Variants in BMPR2 observed in about 807,000 individuals in gnomAD.
BMPR2 encodes the protein bone morphogenetic protein receptor type 2.
In BMPR2, 29 loss-of-function variants were observed where a neutral mutation model predicts 100.8. The ratio of observed to expected loss-of-function variants is 0.29; its 90% CI spans 0.21 to 0.39. The LOEUF is 0.39. Ranked by LOEUF, BMPR2 falls within the 10% of genes least tolerant of loss-of-function variation. The pLI, the probability that BMPR2 is intolerant of heterozygous loss-of-function variation, is 1.00. For synonymous variants in BMPR2, 382 were observed against 442.3 expected (o/e 0.86, Z 1.71); for missense variants, 1,011 against 1,274.5 (o/e 0.79, Z 3.15).
chr2:202,470,974 A>C (rs752359977), intron 3 of BMPR2, among the ~76,000 whole-genome samples: 15 of 152,118 alleles, frequency 9.9e-5, no homozygotes, highest in Non-Finnish European at 1.9e-4. Flanking sequence ...TGGGAGGATC[A>C]CTTGAACTTG....
intron 8 of BMPR2, 146 bp downstream of exon 8, chr2:202,531,100 C>T (rs1386372043): frequency 1.6e-5 from 15 of 939,924 alleles, no homozygotes; most frequent in Non-Finnish European, 2.4e-5. Flanking sequence ...GTAAAGAGTT[C>T]GAGACCAGCT....
At chr2:202,477,375 GA>G (rs1367985069) in intron 3 of BMPR2, among the ~76,000 whole-genome samples, 1 of 151,332 alleles carries the variant, frequency 6.6e-6, no homozygotes, top group African/African-American at 2.4e-5. Context: ...TATATTCTGT[GA>G]TTTTTTTTTT....
chr2:202,491,509 C>T (rs537633379), intron 3 of BMPR2, among the ~76,000 whole-genome samples: 9 of 152,022 alleles, frequency 5.9e-5, no homozygotes, highest in African/African-American at 1.4e-4. Flanking sequence ...CTGCAACCTC[C>T]GCCTCCCGGG....
chr2:202,548,043 C>T (rs187625279), intron 10 of BMPR2, among the ~76,000 whole-genome samples: 11 of 151,646 alleles, frequency 7.3e-5, no homozygotes, highest in Non-Finnish European at 1.6e-4. Context: ...CGAGATTGCA[C>T]CACTGCACTC....
At chr2:202,544,460 C>T (rs1210946388) in intron 10 of BMPR2, among the ~76,000 whole-genome samples, 3 of 152,168 alleles carry the variant, frequency 2.0e-5, no homozygotes, top group Non-Finnish European at 4.4e-5. Context: ...GAAACTACTA[C>T]TCCATCATTC....
At chr2:202,515,753 G>A (rs1687700581) in intron 5 of BMPR2, among the ~76,000 whole-genome samples, 1 of 152,038 alleles carries the variant, frequency 6.6e-6, no homozygotes, top group Non-Finnish European at 1.5e-5. Flanking sequence ...ACTGGGAGTG[G>A]TGGCGCCCGC....
In BMPR2 at chr2:202,406,708, T is replaced by C. The variant is rs76450682; in HGVS notation, c.76+29158T>C. 2.0e-3 allele frequency among the ~76,000 whole-genome samples: 301 copies of C among 152,270 alleles called. 1 individual carries two copies. Among genetic ancestry groups the C allele is most frequent in the African/African-American group, 6.6e-3 (274 of 41,546 alleles). On this transcript the variant is annotated intron_variant, in intron 1 of 12. Coordinates refer to ENST00000374580, the MANE Select transcript of BMPR2 (RefSeq NM_001204.7). ...AGAGATTGGCAGGCTTTTTGGATCATGGTGTCATTCCAAGTTAGGGTTAGG... is the reference window on the plus strand; with the variant it reads ...AGAGATTGGCAGGCTTTTTGGATCACGGTGTCATTCCAAGTTAGGGTTAGG...
chr2:202,481,950 C>G (rs1692668716), intron 3 of BMPR2, among the ~76,000 whole-genome samples: 1 of 152,196 alleles, frequency 6.6e-6, no homozygotes, highest in African/African-American at 2.4e-5. Context: ...CCTTCAAGTA[C>G]TGAAACTCTA....
At chr2:202,520,610 C>T (rs986688028) in intron 7 of BMPR2, 9 of 249,336 alleles carry the variant, frequency 3.6e-5, no homozygotes, top group African/African-American at 1.6e-4. Flanking sequence ...GGTCCCCAGC[C>T]ACATCTTTTG....
chr2:202,534,429 TG>T (rs1217590487), intron 9 of BMPR2, among the ~76,000 whole-genome samples: 1 of 151,762 alleles, frequency 6.6e-6, no homozygotes, highest in Non-Finnish European at 1.5e-5. Context: ...TTTGTGTCCC[TG>T]GGTACTTGAG....
intron 1 of BMPR2, among the ~76,000 whole-genome samples, chr2:202,454,544 AGTTACTT>A (rs1289218972): frequency 6.6e-6 from 1 of 152,148 alleles, no homozygotes; most frequent in African/African-American, 2.4e-5. Flanking sequence ...TAACTTATCT[AGTTACTT>A]GTTACTTGTT....
At position 202,552,863 on chromosome 2, in the gene BMPR2, A is replaced by C; in HGVS notation, c.1561A>C (p.Met521Leu). The C allele has an allele frequency of 6.2e-7, 1 of 1,614,198 alleles. No individual in the cohort carries two copies. Among genetic ancestry groups the C allele is most frequent in the Non-Finnish European group, 8.5e-7 (1 of 1,180,026 alleles). Residue 521 changes from methionine (M) to leucine (L), a missense_variant, in exon 11 of 13, where the codon ATG (methionine) becomes CTG (leucine). By Grantham distance (15) the Met-to-Leu change is conservative. Transcript: ENST00000374580. ...NKSVSPTVNP[M>L]STAMQNERNL... ...ATCTGTGAGCCCAACAGTCAATCCA[A>C]TGTCTACTGCTATGCAGAATGAACG... is the stretch of plus-strand genomic sequence containing the variant.
rs1186408168 is a variant in BMPR2, at chr2:202,562,001, T to C, written c.*2055T>C. ...TGGCACGTAATTTTTTTCACAGTTA[T>C]TATTCTTCTATTAACAAATTATTTT... is the stretch of plus-strand genomic sequence containing the variant. On this transcript the variant is annotated 3_prime_UTR_variant, in exon 13 of 13. Transcript: ENST00000374580. 1 of 152,176 alleles carries C rather than the reference T, an allele frequency of 6.6e-6. No individual in the cohort carries two copies. The highest frequency in any genetic ancestry group is 1.5e-5 in the Non-Finnish European group (1 of 68,004). 9.4% of individuals were successfully genotyped at this position (152,176 alleles called of 1,614,324 possible).
intron 1 of BMPR2, among the ~76,000 whole-genome samples, chr2:202,389,543 A>AG (rs1043534288): frequency 1.3e-5 from 2 of 151,758 alleles, no homozygotes; most frequent in African/African-American, 4.8e-5. Flanking sequence ...AAAAAAAAAA[A>AG]AAGACTTGTT....
intron 7 of BMPR2, among the ~76,000 whole-genome samples, chr2:202,522,392 A>G (rs935250866): frequency 6.6e-6 from 1 of 151,694 alleles, no homozygotes; most frequent in Non-Finnish European, 1.5e-5. Flanking sequence ...CTGTATTCCC[A>G]GCTACTGAGG....
At chr2:202,438,719 A>G (rs1018107986) in intron 1 of BMPR2, among the ~76,000 whole-genome samples, 3 of 150,414 alleles carry the variant, frequency 2.0e-5, no homozygotes, top group African/African-American at 7.5e-5. Flanking sequence ...GAAAAGGGCA[A>G]TTTTTTCCCC....
intron 1 of BMPR2, among the ~76,000 whole-genome samples, chr2:202,399,635 T>A (rs1382972289): frequency 6.6e-6 from 1 of 152,200 alleles, no homozygotes; most frequent in Non-Finnish European, 1.5e-5. Flanking sequence ...TAGAGAAGAA[T>A]TAGAGGGGAG....
intron 3 of BMPR2, among the ~76,000 whole-genome samples, chr2:202,481,499 A>G (rs1214618669): frequency 6.6e-6 from 1 of 152,100 alleles, no homozygotes; most frequent in African/African-American, 2.4e-5. Context: ...TTTCAAGATT[A>G]TTATGGCTGT....
At chr2:202,377,691 G>T in intron 1 of BMPR2, 141 bp downstream of exon 1, 1 of 963,914 alleles carries the variant, frequency 1.0e-6, no homozygotes, top group Non-Finnish European at 1.6e-6. Context: ...CCCGGTGCCT[G>T]CGCGCCTGCC....
Sources: allele counts gnomAD v4.1 joint callset (sites outside exome capture counted in the v4.1 genomes callset), GRCh38; gene constraint gnomAD v4.1.1; transcripts MANE v1.5; gene names NCBI Gene and HGNC (gene_info 2026-07-23, HGNC 2026-07-21).